The following KANK1 variants were observed in gnomAD, a reference collection of about 807,000 sequenced individuals.
KANK1 encodes KN motif and ankyrin repeat domain-containing protein 1.
Under a neutral mutation model 106.2 loss-of-function variants are expected in KANK1, and 109 were observed. That is an observed-to-expected ratio of 1.03 (90% CI 0.88 to 1.20). The LOEUF (loss-of-function observed/expected upper bound fraction) is 1.20, where lower values mean the gene tolerates loss of function less well. KANK1 is among the 50% of genes most tolerant of loss of function. KANK1 has a pLI of 0.00. For missense variants in KANK1, 2,399 were observed against 1,710.7 expected, an observed-to-expected ratio of 1.40 and a Z score of -7.10; for synonymous variants, 873 against 652.2, an observed-to-expected ratio of 1.34 and a Z score of -5.16.
At chr9:513,133 C>A (rs1490154111) in intron 1 of KANK1, among the ~76,000 whole-genome samples, 1 of 152,206 alleles carries the variant, frequency 6.6e-6, no homozygotes, top group African/African-American at 2.4e-5. Flanking sequence ...TCTTTGTGAG[C>A]CTAGCAGGTG....
intron 3 of KANK1, among the ~76,000 whole-genome samples, chr9:490,090 C>T (rs552423660): frequency 1.2e-4 from 18 of 152,336 alleles, no homozygotes; most frequent in African/African-American, 4.1e-4. Context: ...TAGGCTATTA[C>T]TTGGCCAGCG....
rs1193342631 is a variant in KANK1 at position 710,794 on chromosome 9, C to T, written c.38-10C>T. Reference sequence around the variant, plus strand: ...CATGTCATTATAATATTCTTTTCTCCCTCTTCTAGGAAAAGCAGGTGATAT... The same window carrying T: ...CATGTCATTATAATATTCTTTTCTCTCTCTTCTAGGAAAAGCAGGTGATAT... On this transcript the variant is annotated splice_polypyrimidine_tract_variant and intron_variant, in intron 2 of 11. Transcript: ENST00000382297. The T allele has an allele frequency of 2.6e-6, 4 of 1,559,784 alleles. No homozygotes were observed. The African/African-American group carries it at 4.1e-5, about 16-fold the overall frequency.
intron 3 of KANK1, chr9:478,347 A>G (rs949435373): frequency 2.0e-4 from 30 of 152,582 alleles, no homozygotes; most frequent in Non-Finnish European, 1.8e-4. Context: ...ATATCCAGCT[A>G]GCTATGAACT....
chr9:710,670 G>T, intron 2 of KANK1, 134 bp from the exon 3 acceptor site: 7 of 456,200 alleles, frequency 1.5e-5, no homozygotes, highest in Non-Finnish European at 2.2e-5. Context: ...AGCTGTTGTA[G>T]ATCCAGGTTC....
chr9:585,196 T>A (rs1823156645), intron 1 of KANK1, among the ~76,000 whole-genome samples: 1 of 152,172 alleles, frequency 6.6e-6, no homozygotes, highest in Non-Finnish European at 1.5e-5. Flanking sequence ...GAACTTTCAT[T>A]TACCCCTGGA....
intron 1 of KANK1, among the ~76,000 whole-genome samples, chr9:583,893 A>G (rs997103609): frequency 6.6e-6 from 1 of 152,136 alleles, no homozygotes; most frequent in Non-Finnish European, 1.5e-5. Flanking sequence ...ATCAAAATTT[A>G]AAAATTAAAT....
intron 3 of KANK1, among the ~76,000 whole-genome samples, chr9:475,580 C>T (rs72705647): frequency 0.028 from 4,326 of 152,208 alleles, 84 homozygotes; most frequent in Non-Finnish European, 0.045. Flanking sequence ...GAGTTATGCC[C>T]TACAAACCAA....
intron 2 of KANK1, among the ~76,000 whole-genome samples, chr9:682,921 GTAAATATT>G (rs1315455891): frequency 6.6e-6 from 1 of 152,222 alleles, no homozygotes; most frequent in African/African-American, 2.4e-5. Context: ...TCTCGCTTGT[GTAAATATT>G]TTTCTGGGCA....
At chr9:547,607 C>G (rs2061011735) in intron 1 of KANK1, among the ~76,000 whole-genome samples, 1 of 151,502 alleles carries the variant, frequency 6.6e-6, no homozygotes, top group African/African-American at 2.4e-5. Flanking sequence ...TTCTGAATTA[C>G]TCTATGCAGA....
At chr9:636,003 A>G (rs1198802870) in intron 1 of KANK1, among the ~76,000 whole-genome samples, 1 of 152,098 alleles carries the variant, frequency 6.6e-6, no homozygotes, top group Non-Finnish European at 1.5e-5. Context: ...GCACAAACTC[A>G]GTTTCTGCGT....
At chr9:707,325 G>A (rs906373123) in intron 2 of KANK1, 1 of 762,990 alleles carries the variant, frequency 1.3e-6, no homozygotes, top group Admixed American at 6.2e-5. Context: ...GGCCGGCCGG[G>A]AAGGTGCGCA....
chr9:742,345 C>T lies in KANK1; in HGVS notation c.3837C>T (p.His1279=), dbSNP rs377506247. Residue 1279 remains histidine (H), a synonymous_variant, in exon 10 of 12, where the codon CAC becomes CAT. Transcript: ENST00000382297. ...TALMCASEHG[H]VEIVKLLLAQ... ...TCATGTGTGCCAGCGAGCACGGACACGTGGAGATTGTCAAGCTGCTGCTGG... is the reference window on the plus strand; with the variant it reads ...TCATGTGTGCCAGCGAGCACGGACATGTGGAGATTGTCAAGCTGCTGCTGG... 78 of 1,614,000 alleles carry T rather than the reference C, an allele frequency of 4.8e-5. No homozygotes were observed. In the East Asian group the frequency reaches 1.0e-3, roughly 22 times the overall value.
At chr9:491,611 G>C (rs2058379015) in intron 3 of KANK1, among the ~76,000 whole-genome samples, 1 of 152,106 alleles carries the variant, frequency 6.6e-6, no homozygotes, top group African/African-American at 2.4e-5. Flanking sequence ...GCCTCTCTGG[G>C]GAGGTGACAT....
intron 1 of KANK1, among the ~76,000 whole-genome samples, chr9:565,640 C>T (rs988492804): frequency 6.6e-6 from 1 of 152,116 alleles, no homozygotes; most frequent in African/African-American, 2.4e-5. Flanking sequence ...CCCTCATTTG[C>T]TGAGTCTGCC....
chr9:499,785 T>C (rs2058519240), upstream of KANK1, among the ~76,000 whole-genome samples: 1 of 152,168 alleles, frequency 6.6e-6, no homozygotes, highest in Admixed American at 6.6e-5. Flanking sequence ...TTGTTTAATA[T>C]AAGTTTTGTG....
At chr9:695,495 C>G (rs904005368) in intron 2 of KANK1, among the ~76,000 whole-genome samples, 1 of 152,182 alleles carries the variant, frequency 6.6e-6, no homozygotes, top group African/African-American at 2.4e-5. Context: ...CAGCTCCCTG[C>G]TGGCATCTCC....
In KANK1 at chr9:678,478, C is replaced by T. The variant is rs112701478; in HGVS notation, c.37+1469C>T. Among the ~76,000 whole-genome samples the T allele has an allele frequency of 9.3e-3, 1,414 of 152,224 alleles. 22 individuals carry two copies. The highest frequency in any genetic ancestry group is 0.032 in the African/African-American group (1,339 of 41,520). ...GGGCAGTGGCTCACACCTGTAATCC[C>T]AGCATTTTGGGAGGCCGAGGGGGAT... is the stretch of plus-strand genomic sequence containing the variant. On this transcript the variant is annotated intron_variant, in intron 2 of 11. Transcript: ENST00000382297.
At chr9:727,871 A>T (rs1038900949) in intron 3 of KANK1, among the ~76,000 whole-genome samples, 1 of 152,188 alleles carries the variant, frequency 6.6e-6, no homozygotes, top group South Asian at 2.1e-4. Flanking sequence ...ATAAAATTCT[A>T]AGCCCCCTAA....
intron 2 of KANK1, among the ~76,000 whole-genome samples, chr9:705,065 A>G (rs1351110162): frequency 1.3e-5 from 2 of 151,908 alleles, no homozygotes; most frequent in African/African-American, 4.8e-5. Flanking sequence ...AAGAATAAAA[A>G]TCATCTATAA....
Sources: allele counts gnomAD v4.1 joint callset (sites outside exome capture counted in the v4.1 genomes callset), GRCh38; gene constraint gnomAD v4.1.1; transcripts MANE v1.5; gene names NCBI Gene and HGNC (gene_info 2026-07-23, HGNC 2026-07-21).